SGCD: variants seen among roughly 807,000 people sequenced by gnomAD.
SGCD encodes the protein delta-sarcoglycan.
In SGCD, 18 loss-of-function variants were observed where a neutral mutation model predicts 36.6. The ratio of observed to expected loss-of-function variants is 0.49; its 90% CI spans 0.34 to 0.73. The LOEUF is 0.73. SGCD is among the 30% of genes least tolerant of loss of function. The pLI, the probability that SGCD is intolerant of heterozygous loss-of-function variation, is 0.01. For synonymous variants in SGCD, 133 were observed against 130.6 expected, an observed-to-expected ratio of 1.02 and a Z score of -0.12; for missense variants, 387 against 346.7, an observed-to-expected ratio of 1.12 and a Z score of -0.92.
At chr5:155,785,435 A>G in the SGCD span, among the ~76,000 whole-genome samples, 1 of 152,138 alleles carries the variant, frequency 6.6e-6, no homozygotes, top group African/African-American at 2.4e-5. Context: ...GGAAACATAC[A>G]AAATCCTCTC....
At position 156,405,976 on chromosome 5, in the gene SGCD, T is replaced by C. The variant is rs1772377995; in HGVS notation, c.192+61299T>C. On this transcript the variant is annotated intron_variant, in intron 3 of 8. Transcript: ENST00000337851. The stretch of plus-strand genomic sequence containing the variant: ...GCCTCTTGGATTTTGTATCCACTCC[T>C]GTGTGTAGATATCACCTGCTGTATT... Among the ~76,000 whole-genome samples the C allele has an allele frequency of 2.1e-5, 3 of 146,012 alleles. No homozygotes were observed. The South Asian group carries it at 6.5e-4, about 32-fold the overall frequency.
chr5:156,214,075 A>G (rs552339968), intron 3 of SGCD, among the ~76,000 whole-genome samples: 1 of 152,126 alleles, frequency 6.6e-6, no homozygotes, highest in African/African-American at 2.4e-5. Flanking sequence ...TACCATGTCT[A>G]TTCAAAATAA....
At chr5:156,531,182 A>G (rs1757875855) in intron 4 of SGCD, among the ~76,000 whole-genome samples, 1 of 152,170 alleles carries the variant, frequency 6.6e-6, no homozygotes, top group African/African-American at 2.4e-5. Flanking sequence ...ATGTGAGGAC[A>G]TAGTATTCCT....
chr5:156,136,775 G>T (rs1232436791), intron 3 of SGCD, among the ~76,000 whole-genome samples: 1 of 152,112 alleles, frequency 6.6e-6, no homozygotes, highest in Non-Finnish European at 1.5e-5. Flanking sequence ...AAAGCTATAG[G>T]ATTGAACTCA....
chr5:156,300,074 G>A lies in SGCD; in HGVS notation c.-43-29460G>A, dbSNP rs138766556. Among the ~76,000 whole-genome samples the A allele has an allele frequency of 7.3e-3, 1,103 of 151,970 alleles. 17 individuals are homozygous for A. The highest frequency in any genetic ancestry group is 0.025 in the African/African-American group (1,035 of 41,504). ...GTATAATACTACCTGTGGGTCTGTC[G>A]TATATGTCTTTAATTGTGTTGAGCT... On this transcript the variant is annotated intron_variant, in intron 3 of 9. Transcript: ENST00000517913.
the SGCD span, among the ~76,000 whole-genome samples, chr5:155,841,780 T>C: frequency 6.6e-6 from 1 of 152,166 alleles, no homozygotes; most frequent in African/African-American, 2.4e-5. Context: ...TAGGAGGATG[T>C]GACTACCGTT....
intron 3 of SGCD, among the ~76,000 whole-genome samples, chr5:156,441,469 TATTGTTAATA>T (rs1174600091): frequency 6.6e-6 from 1 of 152,194 alleles, no homozygotes; most frequent in Non-Finnish European, 1.5e-5. Context: ...TTGTCATCTA[TATTGTTAATA>T]ATTATTACTG....
chr5:155,896,292 A>C (rs1313596818), intron 1 of SGCD, among the ~76,000 whole-genome samples: 1 of 152,080 alleles, frequency 6.6e-6, no homozygotes, highest in Non-Finnish European at 1.5e-5. Context: ...TTAGCCTTTT[A>C]GATTTTTAAA....
intron 7 of SGCD, among the ~76,000 whole-genome samples, chr5:156,742,213 C>T (rs1581512812): frequency 6.6e-6 from 1 of 152,122 alleles, no homozygotes. Context: ...ACACAAAGTA[C>T]CATTAACTCA....
intron 1 of SGCD, among the ~76,000 whole-genome samples, chr5:156,068,113 T>G (rs954272111): frequency 6.9e-6 from 1 of 145,618 alleles, no homozygotes; most frequent in Non-Finnish European, 1.5e-5. Context: ...TATTTTTATT[T>G]TATTTTATTT....
chr5:155,832,335 A>G, the SGCD span, among the ~76,000 whole-genome samples: 3 of 152,152 alleles, frequency 2.0e-5, no homozygotes, highest in African/African-American at 7.2e-5. Context: ...TCTGTTCTCC[A>G]TATGGTAGCA....
the SGCD span, among the ~76,000 whole-genome samples, chr5:155,823,316 A>G: frequency 6.6e-6 from 1 of 151,840 alleles, no homozygotes; most frequent in Admixed American, 6.6e-5. Context: ...AAAAAAAAAA[A>G]AAAAAAAGGT....
At chr5:156,139,346 G>T (rs1225911774) in intron 3 of SGCD, among the ~76,000 whole-genome samples, 1 of 126,902 alleles carries the variant, frequency 7.9e-6, no homozygotes, top group Non-Finnish European at 1.6e-5. Context: ...ATTAATTTTT[G>T]TAGTTTGGGC....
chr5:156,350,180 A>G (rs1028771730), intron 3 of SGCD, among the ~76,000 whole-genome samples: 7 of 149,418 alleles, frequency 4.7e-5, no homozygotes, highest in African/African-American at 1.7e-4. Context: ...TCCAGAGGTT[A>G]CCACTATATT....
At chr5:156,471,465 T>C (rs374471482) in intron 3 of SGCD, among the ~76,000 whole-genome samples, 459 of 152,198 alleles carry the variant, frequency 3.0e-3, no homozygotes, top group African/African-American at 0.01. Context: ...TAGGACAAAA[T>C]ATAAAGTCCA....
At chr5:156,444,161 C>CCT (rs898473505) in intron 3 of SGCD, among the ~76,000 whole-genome samples, 3 of 109,474 alleles carry the variant, frequency 2.7e-5, no homozygotes, top group Non-Finnish European at 5.5e-5. Context: ...TCTCTCCTTC[C>CCT]CTCTCTCTCT....
intron 4 of SGCD, among the ~76,000 whole-genome samples, chr5:156,569,078 C>T (rs565671689): frequency 2.8e-5 from 4 of 143,166 alleles, no homozygotes; most frequent in African/African-American, 9.8e-5. Flanking sequence ...GTGGGTAAAG[C>T]AGGACCATCC....
chr5:156,238,821 G>T (rs945240115), intron 3 of SGCD, among the ~76,000 whole-genome samples: 3 of 152,182 alleles, frequency 2.0e-5, no homozygotes, highest in Admixed American at 1.3e-4. Flanking sequence ...GTGTTCTGTA[G>T]CCTATTTTAG....
At position 156,670,689 on chromosome 5, in the gene SGCD, A is replaced by G. The variant is rs1581371444; in HGVS notation, c.575+23153A>G. Reference sequence around the variant, plus strand: ...AAAAATATCAGCCAAAGGGGTTCTTATTTTTTCCTCAATCCAGAACTTTCC... The same window carrying G: ...AAAAATATCAGCCAAAGGGGTTCTTGTTTTTTCCTCAATCCAGAACTTTCC... On this transcript the variant is annotated intron_variant, in intron 7 of 8. Transcript: ENST00000337851. Among the ~76,000 whole-genome samples the G allele has an allele frequency of 2.6e-5, 4 of 152,244 alleles. No individual in the cohort carries two copies. In the Middle Eastern group the frequency reaches 0.014, roughly 518 times the overall value.
Sources: gnomAD v4.1 joint callset for allele counts (sites outside exome capture counted in the v4.1 genomes callset) on GRCh38, gnomAD v4.1.1 for gene constraint, MANE v1.5 for transcripts, NCBI Gene and HGNC (gene_info 2026-07-23, HGNC 2026-07-21) for gene names.